The following MPHOSPH9 variants were observed in gnomAD, a reference collection of about 807,000 sequenced individuals.
The protein encoded by MPHOSPH9 is M-phase phosphoprotein 9.
MPHOSPH9 carries 88 observed loss-of-function variants against 145.5 expected under a neutral mutation model. That is an observed-to-expected ratio of 0.60 (90% CI 0.51 to 0.72). The LOEUF (loss-of-function observed/expected upper bound fraction) is 0.72. Among genes scored for constraint, MPHOSPH9 ranks in the 30% least tolerant of loss-of-function variants. The pLI is 0.00. For missense variants in MPHOSPH9, 1,238 were observed against 1,386.6 expected, an observed-to-expected ratio of 0.89 and a Z score of 1.70; for synonymous variants, 435 against 486.2, an observed-to-expected ratio of 0.89 and a Z score of 1.39.
At position 123,194,495 on chromosome 12, in the gene MPHOSPH9, A is replaced by G. The variant is rs909919480; in HGVS notation, c.2132T>C (p.Ile711Thr). Residue 711 changes from isoleucine (I) to threonine (T), a missense_variant, in exon 13 of 24, where the codon ATT becomes ACT. By Grantham distance (89) the Ile-to-Thr change is moderately conservative. Around this residue, in one of 3 missense-constraint regions of MPHOSPH9, gnomAD observed 837 missense variants for 897.5 expected, o/e 0.93. Transcript: ENST00000606320. ...ATCTTGCAGTCTAGATTTTAGTCGA[A>G]TGATGGTATTGTCTTTTTCTTTACT... is the stretch of plus-strand genomic sequence containing the variant. The part of the protein sequence containing the change: ...TSSKEKDNTI[I>T]RLKSRLQDLE... The G allele has an allele frequency of 1.2e-6, 2 of 1,612,400 alleles. No homozygotes were observed. Among genetic ancestry groups the G allele is most frequent in the East Asian group, 2.2e-5 (1 of 44,856 alleles).
chr12:123,184,958 C>T (rs1178671222), intron 13 of MPHOSPH9, among the ~76,000 whole-genome samples: 4 of 152,108 alleles, frequency 2.6e-5, no homozygotes, highest in Non-Finnish European at 4.4e-5. Context: ...TGTGCACCAT[C>T]ACACCCAGCT....
rs948590082 is a variant in MPHOSPH9, at chr12:123,160,798, G to A, written c.3433C>T (p.Gln1145Ter). Residue 1145 changes from glutamine to a stop codon, truncating the protein, a stop_gained, in exon 23 of 24, where the codon CAG becomes TAG. Transcript: ENST00000606320. LOFTEE classifies it high-confidence loss of function. ...MPSPGGRITL[Q>*]TRLNQEALED... ...CATTTCACCTGATTTAATCTTGTCT[G>A]TAAAGTGATTCGTCCTCCAGGAGAA... 1.2e-6 allele frequency: 2 copies of A among 1,613,982 alleles called. No homozygotes were observed. Among genetic ancestry groups the A allele is most frequent in the African/African-American group, 2.7e-5 (2 of 75,070 alleles).
At chr12:123,193,071 C>CAAA (rs768866302) in intron 13 of MPHOSPH9, among the ~76,000 whole-genome samples, 1 of 29,594 alleles carries the variant, frequency 3.4e-5, no homozygotes, top group African/African-American at 1.4e-4. Context: ...GATTGTCTTT[C>CAAA]AAAAAAAAAA....
intron 8 of MPHOSPH9, among the ~76,000 whole-genome samples, chr12:123,204,685 G>C (rs550846695): frequency 1.3e-5 from 2 of 152,292 alleles, no homozygotes; most frequent in Admixed American, 1.3e-4. Flanking sequence ...GACCAGCCTG[G>C]CTAATATGGT....
At chr12:123,170,512 G>A (rs1256469316) in intron 16 of MPHOSPH9, among the ~76,000 whole-genome samples, 1 of 151,882 alleles carries the variant, frequency 6.6e-6, no homozygotes. Context: ...AAACTCCTGG[G>A]CTCAAGCAAT....
intron 5 of MPHOSPH9, among the ~76,000 whole-genome samples, chr12:123,220,441 G>A (rs532150065): frequency 9.9e-5 from 15 of 151,640 alleles, no homozygotes; most frequent in Non-Finnish European, 1.9e-4. Flanking sequence ...GCCCACACCT[G>A]TAGTCCCAGC....
upstream of MPHOSPH9, among the ~76,000 whole-genome samples, chr12:123,236,396 C>A (rs1165356813): frequency 6.6e-6 from 1 of 151,730 alleles, no homozygotes; most frequent in East Asian, 1.9e-4. Flanking sequence ...GAGTTCGAGA[C>A]CTGCCTGGGC....
In MPHOSPH9 at chr12:123,181,186, C is replaced by G; in HGVS notation, c.2266G>C (p.Gly756Arg). The G allele has an allele frequency of 2.5e-6, 4 of 1,611,780 alleles. No individual in the cohort carries two copies. The highest frequency in any genetic ancestry group is 3.4e-6 in the Non-Finnish European group (4 of 1,178,290). ...QDLLGEYESL[G>R]KEHRRVKDAL... ...ACCTTTACTCTCCTGTGTTCTTTTC[C>G]AAGGGACTCATACTCTCCTAAAAGC... Residue 756 changes from glycine (G) to arginine (R), a missense_variant, in exon 14 of 24, where the codon GGA becomes CGA. Transcript: ENST00000606320.
At position 123,190,958 on chromosome 12, in the gene MPHOSPH9, T is replaced by C. The variant is rs527908563; in HGVS notation, c.2241+3428A>G. On this transcript the variant is annotated intron_variant, in intron 13 of 23. Transcript: ENST00000606320. ...TACAATTTCAGCTAAAAACAACACATTCTAGCTATCCTTTGCTGCTTGATT... is the reference window on the plus strand; with the variant it reads ...TACAATTTCAGCTAAAAACAACACACTCTAGCTATCCTTTGCTGCTTGATT... Among the ~76,000 whole-genome samples the C allele has an allele frequency of 3.9e-5, 6 of 152,296 alleles. No individual in the cohort carries two copies. The East Asian group carries it at 1.2e-3, about 29-fold the overall frequency.
At chr12:123,172,712 G>C (rs2044639658) in intron 16 of MPHOSPH9, among the ~76,000 whole-genome samples, 1 of 151,942 alleles carries the variant, frequency 6.6e-6, no homozygotes, top group Admixed American at 6.6e-5. Flanking sequence ...TTTACTCAGG[G>C]GCCTCACAAA....
chr12:123,168,600 C>T (rs1420887146), intron 16 of MPHOSPH9, among the ~76,000 whole-genome samples: 1 of 152,074 alleles, frequency 6.6e-6, no homozygotes, highest in African/African-American at 2.4e-5. Flanking sequence ...CCTCAGCCTC[C>T]CAAAGTGCTG....
intron 20 of MPHOSPH9, chr12:123,162,787 T>C (rs892467836): frequency 7.0e-6 from 3 of 427,748 alleles, no homozygotes; most frequent in Non-Finnish European, 8.1e-6. Context: ...ACAGGGGTGC[T>C]GAGGTGATAA....
chr12:123,168,994 A>G (rs1277069768), intron 16 of MPHOSPH9, among the ~76,000 whole-genome samples: 1 of 149,262 alleles, frequency 6.7e-6, no homozygotes, highest in Non-Finnish European at 1.5e-5. Flanking sequence ...ACACCATTCT[A>G]CTGCTTCAGA....
At position 123,199,662 on chromosome 12, in the gene MPHOSPH9, G is replaced by A. The variant is rs547516788; in HGVS notation, c.1938-1328C>T. 5.3e-5 allele frequency among the ~76,000 whole-genome samples: 8 copies of A among 151,904 alleles called. No individual in the cohort carries two copies. In the East Asian group the frequency reaches 9.7e-4, roughly 18 times the overall value. ...CAAAAAATTAGCCGGGCATGGTGGC[G>A]GGCGCCTGTAGTCCCAGCTACTCGG... is the stretch of plus-strand genomic sequence containing the variant. On this transcript the variant is annotated intron_variant, in intron 11 of 23. Transcript: ENST00000606320.
chr12:123,221,963 A>T (rs2047218345), intron 4 of MPHOSPH9, 68 bp from the exon 5 acceptor site: 1 of 805,344 alleles, frequency 1.2e-6, no homozygotes. Flanking sequence ...TGACTGTTAC[A>T]AGAATATCAT....
chr12:123,162,213 T>A lies in MPHOSPH9; in HGVS notation c.3035A>T (p.Asp1012Val). ...SKNESSPIRF[D>V]ILLDDLDTVP... is the part of the protein sequence containing the mutation. ...AGTATCTAAATCATCCAAAAGTATATCAAATCTATTGAATGAAGCAAGTTA... is the reference window on the plus strand; with the variant it reads ...AGTATCTAAATCATCCAAAAGTATAACAAATCTATTGAATGAAGCAAGTTA... The change falls in exon 21 of 24, where the codon GAT becomes GTT. Residue 1012 changes from aspartate (D) to valine (V), a missense_variant. Asp to Val is a radical substitution (Grantham distance 152). Transcript: ENST00000606320. 6.7e-7 allele frequency: 1 copy of A among 1,497,042 alleles called. No individual in the cohort carries two copies. Among genetic ancestry groups the A allele is most frequent in the Non-Finnish European group, 9.0e-7 (1 of 1,110,308 alleles). 92.7% of individuals were successfully genotyped at this position (1,497,042 alleles called of 1,614,324 possible). A position where few individuals can be genotyped will look rare whatever the true frequency, so the allele number is the denominator to read the frequency against.
In MPHOSPH9 at chr12:123,202,628, A is replaced by G; in HGVS notation, c.1777T>C (p.Ser593Pro). ...LTSLEDPVIL[S>P]KIRQNLKEKH... ...GCCATTCACTGAAATACATACTTAG[A>G]CAATATCACAGGATCTTCCAAGGAA... The change falls in exon 10 of 24, where the codon TCT becomes CCT. Residue 593 changes from serine to proline, a missense_variant. Coordinates refer to ENST00000606320, the MANE Select transcript of MPHOSPH9 (RefSeq NM_022782.4). The G allele has an allele frequency of 6.2e-7, 1 of 1,611,398 alleles. No individual in the cohort carries two copies. The highest frequency in any genetic ancestry group is 2.2e-5 in the East Asian group (1 of 44,862).
In MPHOSPH9 at chr12:123,202,269, C is replaced by T. The variant is rs138351746; in HGVS notation, c.1832G>A (p.Arg611Gln). 6.2e-6 allele frequency: 10 copies of T among 1,612,882 alleles called. No homozygotes were observed. The highest frequency in any genetic ancestry group is 1.3e-5 in the African/African-American group (1 of 74,886). The part of the protein sequence containing the change: ...EKHARHIADL[R>Q]AYYESEINSL... ...ATTTATTTCTGATTCATAATAAGCT[C>T]GAAGATCTGCTATGTGTCGAGCATG... Residue 611 changes from arginine (R) to glutamine (Q), a missense_variant, in exon 11 of 24, where the codon CGA (arginine) becomes CAA (glutamine). Arg to Gln is a conservative substitution (Grantham distance 43). Transcript: ENST00000606320.
chr12:123,210,215 C>A, intron 7 of MPHOSPH9, 53 bp from the exon 8 acceptor site: 2 of 1,035,976 alleles, frequency 1.9e-6, no homozygotes, highest in East Asian at 2.7e-5. Flanking sequence ...AACAAAAATG[C>A]TTTCTAGAAT....
Sources: allele counts gnomAD v4.1 joint callset (sites outside exome capture counted in the v4.1 genomes callset), GRCh38; gene constraint gnomAD v4.1.1; regional missense constraint gnomAD v4.1.1; transcripts MANE v1.5; gene names NCBI Gene and HGNC (gene_info 2026-07-23, HGNC 2026-07-21).